Variants in TENM3 observed in about 807,000 individuals in gnomAD.
The protein encoded by TENM3 is teneurin-3.
A neutral mutation model predicts 255.1 loss-of-function variants in TENM3; 63 were observed. The ratio of observed to expected loss-of-function variants is 0.25; its 90% confidence interval spans 0.20 to 0.30. The LOEUF is 0.30. Among genes scored for constraint, TENM3 ranks in the 10% least tolerant of loss-of-function variants. The pLI, the probability that TENM3 is intolerant of heterozygous loss-of-function variation, is 1.00. For missense variants in TENM3, 2,929 were observed against 3,461.1 expected (o/e 0.85, Z 3.86); for synonymous variants, 1,306 against 1,322.3 (o/e 0.99, Z 0.27).
intron 7 of TENM3, 56 bp from the exon 8 acceptor site, chr4:182,679,610 A>AT: frequency 1.5e-6 from 2 of 1,332,478 alleles, no homozygotes; most frequent in Non-Finnish European, 2.1e-6. Context: ...AAAAAAAAAA[A>AT]GAGAGAAGCA....
At chr4:182,381,643 C>T (rs1387661447) in intron 3 of TENM3, among the ~76,000 whole-genome samples, 3 of 148,972 alleles carry the variant, frequency 2.0e-5, no homozygotes, top group African/African-American at 7.4e-5. Context: ...CTCACTGCAA[C>T]ATCCGCCTCC....
chr4:182,264,487 A>G (rs1759099452), intron 1 of TENM3, among the ~76,000 whole-genome samples: 1 of 152,230 alleles, frequency 6.6e-6, no homozygotes, highest in African/African-American at 2.4e-5. Flanking sequence ...CTTATTAAAT[A>G]GTTAAAAGTC....
intron 3 of TENM3, among the ~76,000 whole-genome samples, chr4:182,460,620 G>A (rs1774258987): frequency 6.6e-6 from 1 of 152,128 alleles, no homozygotes; most frequent in Non-Finnish European, 1.5e-5. Flanking sequence ...TTTAAATAAA[G>A]CAGGATATCT....
chr4:181,646,697 T>A, the TENM3 span, among the ~76,000 whole-genome samples: 2 of 152,294 alleles, frequency 1.3e-5, no homozygotes, highest in East Asian at 3.9e-4. Context: ...CAAGCGACAG[T>A]TGGGGTTAGG....
At chr4:182,558,102 T>C (rs17258085) in intron 3 of TENM3, among the ~76,000 whole-genome samples, 31,586 of 152,060 alleles carry the variant, frequency 0.21, 3,657 homozygotes, top group Middle Eastern at 0.31. Flanking sequence ...GAGGTAATCG[T>C]GAGTTTCTGG....
Position 182,800,279 on chromosome 4 carries a change from G to A in TENM3, c.8028G>A (p.Glu2676=), listed in dbSNP as rs745365334. The A allele has an allele frequency of 3.2e-6, 5 of 1,582,208 alleles. No individual in the cohort carries two copies. In the South Asian group the frequency reaches 3.4e-5, roughly 11 times the overall value. ...GYDGYYVLSV[E]QYPELADSAN... ...ACGGGTACTACGTACTCTCGGTGGA[G>A]CAGTACCCCGAGCTGGCCGACAGCG... The change falls in exon 28 of 28, where the codon GAG becomes GAA. Residue 2676 remains glutamate (E), a synonymous_variant. Transcript: ENST00000511685.
Position 182,801,259 on chromosome 4 carries a change from G to C in TENM3, c.*908G>C, listed in dbSNP as rs1163339336. 1 of 152,458 alleles carries C rather than the reference G, an allele frequency of 6.6e-6. No homozygotes were observed. The highest frequency in any genetic ancestry group is 1.5e-5 in the Non-Finnish European group (1 of 68,008). The allele number at this position is 152,458 out of a possible 1,614,324, so 9.4% of individuals were successfully genotyped here. On this transcript the variant is annotated 3_prime_UTR_variant, in exon 28 of 28. Coordinates refer to ENST00000511685, the MANE Select transcript of TENM3 (RefSeq NM_001080477.4). ...CAGAAGTGTTAATATTTTTGTATTA[G>C]GTTGAAAAAATGTGCAAGCTTCTAT...
chr4:182,546,368 G>A (rs553357520), intron 3 of TENM3, among the ~76,000 whole-genome samples: 11 of 152,166 alleles, frequency 7.2e-5, no homozygotes, highest in Non-Finnish European at 1.5e-4. Flanking sequence ...AACATTCCAA[G>A]CACACAGCAA....
At chr4:182,773,843 T>C in intron 23 of TENM3, 196 bp downstream of exon 23, 1 of 443,622 alleles carries the variant, frequency 2.3e-6, no homozygotes, top group Non-Finnish European at 3.9e-6. Flanking sequence ...TATAAGATAA[T>C]CTGTCATCCT....
At chr4:181,565,255 C>T in the TENM3 span, among the ~76,000 whole-genome samples, 4 of 152,164 alleles carry the variant, frequency 2.6e-5, no homozygotes, top group East Asian at 1.9e-4. Context: ...GTACAGGCAA[C>T]GAGGACTAAT....
At chr4:182,358,627 A>G (rs1353881227) in intron 3 of TENM3, among the ~76,000 whole-genome samples, 67 of 151,498 alleles carry the variant, frequency 4.4e-4, no homozygotes, top group Non-Finnish European at 8.8e-5. Flanking sequence ...GGCTGAGACA[A>G]TGGGGTTTTC....
At chr4:181,931,802 C>T in the TENM3 span, among the ~76,000 whole-genome samples, 1 of 152,272 alleles carries the variant, frequency 6.6e-6, no homozygotes, top group Non-Finnish European at 1.5e-5. Flanking sequence ...CAGCATGGTA[C>T]TGATACCAAA....
the TENM3 span, among the ~76,000 whole-genome samples, chr4:181,915,689 G>A: frequency 6.7e-6 from 1 of 149,458 alleles, no homozygotes; most frequent in African/African-American, 2.5e-5. Context: ...GGAGGGGAAG[G>A]GGGGAGGGGA....
chr4:182,011,101 G>A, the TENM3 span, among the ~76,000 whole-genome samples: 16 of 152,158 alleles, frequency 1.1e-4, no homozygotes, highest in Non-Finnish European at 1.9e-4. Flanking sequence ...AACTATACTT[G>A]GATGACTCTC....
chr4:182,404,765 T>C (rs1047484516), intron 3 of TENM3, among the ~76,000 whole-genome samples: 11 of 152,212 alleles, frequency 7.2e-5, no homozygotes, highest in Non-Finnish European at 2.9e-5. Context: ...GGACAACTCT[T>C]AGGAAACCAC....
chr4:182,789,475 C>A lies in TENM3; in HGVS notation c.5601+86C>A. The A allele has an allele frequency of 8.1e-7, 1 of 1,241,160 alleles. No individual in the cohort carries two copies. Among genetic ancestry groups the A allele is most frequent in the Non-Finnish European group, 1.1e-6 (1 of 893,406 alleles). 76.9% of individuals were successfully genotyped at this position (1,241,160 alleles called of 1,614,324 possible). A position where few individuals can be genotyped will look rare whatever the true frequency, so the allele number is the denominator to read the frequency against. On this transcript the variant is annotated intron_variant, in intron 25 of 27. Transcript: ENST00000511685. This position sits in a 1 kb window ranked among gnomAD's most constrained non-coding sequence, Gnocchi z 4.4. ...TCCAGAGCACTAAGGGGAAAAAAAA[C>A]AGTGGCACATGACTGAGTTCCATTT...
intron 22 of TENM3, among the ~76,000 whole-genome samples, chr4:182,764,884 AAAGT>A (rs1210729295): frequency 1.3e-5 from 2 of 152,142 alleles, no homozygotes; most frequent in Non-Finnish European, 2.9e-5. Flanking sequence ...TTAAGGTAGA[AAAGT>A]AGGTTAGGAA....
chr4:182,659,597 C>A (rs539922281), intron 6 of TENM3, among the ~76,000 whole-genome samples: 95 of 152,262 alleles, frequency 6.2e-4, no homozygotes, highest in Middle Eastern at 3.4e-3. Context: ...GTGACTGCTT[C>A]TACTCTCTCA....
intron 3 of TENM3, among the ~76,000 whole-genome samples, chr4:182,351,857 G>A (rs1013084060): frequency 6.6e-6 from 1 of 152,186 alleles, no homozygotes; most frequent in Non-Finnish European, 1.5e-5. Flanking sequence ...CAGGGCTCTA[G>A]TCCTATGAGG....
Sources: allele counts gnomAD v4.1 joint callset (sites outside exome capture counted in the v4.1 genomes callset), GRCh38; gene constraint gnomAD v4.1.1; non-coding constraint Gnocchi (gnomAD v3.1); transcripts MANE v1.5; gene names NCBI Gene and HGNC (gene_info 2026-07-23, HGNC 2026-07-21).